The following THNSL2 variants were observed in gnomAD, a reference collection of about 807,000 sequenced individuals.
THNSL2 encodes threonine synthase-like 2.
A neutral mutation model predicts 40.0 loss-of-function variants in THNSL2; 34 were observed. The ratio of observed to expected loss-of-function variants is 0.85; its 90% CI spans 0.65 to 1.13. The LOEUF (loss-of-function observed/expected upper bound fraction) is 1.13. Ranked by LOEUF, THNSL2 falls within the 50% of genes most tolerant of loss-of-function variation. The probability of loss-of-function intolerance (pLI) is 0.00; values close to 1 mark genes in which losing one functional copy is unlikely to be tolerated. For synonymous variants in THNSL2, 241 were observed against 247.5 expected (o/e 0.97, Z 0.25); for missense variants, 537 against 608.8 (o/e 0.88, Z 1.24).
intron 2 of THNSL2, 87 bp from the exon 3 acceptor site, chr2:88,174,552 G>C: frequency 7.0e-7 from 1 of 1,427,494 alleles, no homozygotes; most frequent in Non-Finnish European, 9.5e-7. Flanking sequence ...AGTAGCAGGA[G>C]TTGGAAACTT....
chr2:88,177,577 GGAGT>G (rs774400182), intron 4 of THNSL2, among the ~76,000 whole-genome samples: 52 of 152,260 alleles, frequency 3.4e-4, no homozygotes, highest in Admixed American at 1.0e-3. Context: ...GGCCAGGGGT[GGAGT>G]GGGCTTCCAG....
intron 5 of THNSL2, 60 bp from the exon 6 acceptor site, chr2:88,182,639 C>T (rs764969947): frequency 3.1e-5 from 45 of 1,459,090 alleles, no homozygotes; most frequent in Non-Finnish European, 4.1e-5. Context: ...GCCCAATTTA[C>T]TTTTTTCTTT....
Position 88,174,738 on chromosome 2 carries a change from T to C in THNSL2, c.323T>C (p.Val108Ala). Residue 108 changes from valine (V) to alanine (A), a missense_variant, in exon 3 of 9, where the codon GTC becomes GCC. Val to Ala is a moderately conservative substitution (Grantham distance 64). Transcript: ENST00000674334. ...AACGTGTTGGAGCTGTGGCATGGCG[T>C]CACATATGCATTTAAGGACCTGTCC... ...GLNVLELWHG[V>A]TYAFKDLSLS... The C allele has an allele frequency of 6.2e-7, 1 of 1,614,154 alleles. No individual in the cohort carries two copies. The highest frequency in any genetic ancestry group is 8.5e-7 in the Non-Finnish European group (1 of 1,180,026).
At chr2:88,183,474 A>C (rs940997793) in intron 7 of THNSL2, 2 of 156,466 alleles carry the variant, frequency 1.3e-5, no homozygotes, top group African/African-American at 4.8e-5. Flanking sequence ...TTTACTTATT[A>C]TTATTGTTAA....
chr2:88,185,293 C>A lies in THNSL2; in HGVS notation c.1078-35C>A, dbSNP rs371898921. 3.3e-5 allele frequency: 52 copies of A among 1,593,998 alleles called. 1 individual carries two copies. The highest frequency in any genetic ancestry group is 3.1e-4 in the African/African-American group (23 of 74,312). On this transcript the variant is annotated intron_variant, in intron 7 of 8. Coordinates refer to ENST00000674334, the MANE Select transcript of THNSL2 (RefSeq NM_018271.5). ...TTGTCATCTTTCCCTACATCCCCCC[C>A]CCACACCTCATCTTTCTGACCTGGG...
Position 88,185,882 on chromosome 2 carries a change from G to A in THNSL2, c.1230-16G>A. ...TCTCATTGTCCTCCGGGTGCCACCT[G>A]CCCCCATCCCCACAGCACTCCCCGG... On this transcript the variant is annotated splice_polypyrimidine_tract_variant and intron_variant, in intron 8 of 8. Coordinates refer to ENST00000674334, the MANE Select transcript of THNSL2 (RefSeq NM_018271.5). The A allele has an allele frequency of 1.3e-6, 2 of 1,583,748 alleles. No homozygotes were observed. Among genetic ancestry groups the A allele is most frequent in the Non-Finnish European group, 1.7e-6 (2 of 1,165,040 alleles).
At chr2:88,182,891 G>A in intron 6 of THNSL2, 44 bp downstream of exon 6, 1 of 1,611,950 alleles carries the variant, frequency 6.2e-7, no homozygotes, top group South Asian at 1.1e-5. Flanking sequence ...GGTGTTGGTT[G>A]GGTGGGGCTC....
At chr2:88,177,464 G>A (rs549339363) in intron 4 of THNSL2, among the ~76,000 whole-genome samples, 2 of 152,336 alleles carry the variant, frequency 1.3e-5, no homozygotes, top group South Asian at 4.1e-4. Flanking sequence ...ATCAGCAAGT[G>A]CTAGGTATTT....
rs570043901 is a variant in THNSL2, at chr2:88,170,819, C to G, written c.-13+363C>G. 1.2e-3 allele frequency among the ~76,000 whole-genome samples: 181 copies of G among 151,290 alleles called. 2 individuals are homozygous for G. The highest frequency in any genetic ancestry group is 8.7e-3 in the Admixed American group (132 of 15,158). On this transcript the variant is annotated intron_variant, in intron 1 of 8. Transcript: ENST00000674334. ...CCGGTAGCCTCAGAGAGCCCGGGGT[C>G]TGCCTCCACCCCTAGGGGTGCCGTC...
At chr2:88,176,674 A>T (rs1036580629) in intron 4 of THNSL2, 1 of 152,276 alleles carries the variant, frequency 6.6e-6, no homozygotes, top group Non-Finnish European at 1.5e-5. Flanking sequence ...CCAAAGGAGC[A>T]GCATAAATAC....
intron 7 of THNSL2, 118 bp downstream of exon 7, chr2:88,183,191 C>T (rs1436918914): frequency 7.2e-7 from 1 of 1,383,916 alleles, no homozygotes; most frequent in Non-Finnish European, 9.7e-7. Flanking sequence ...CTGCTATGAG[C>T]CCACCACTTT....
intron 1 of THNSL2, chr2:88,172,900 T>C (rs373706880): frequency 3.6e-4 from 125 of 345,496 alleles, no homozygotes; most frequent in Middle Eastern, 7.6e-4. Context: ...CGATACCCTC[T>C]CCCTGAAGAC....
At chr2:88,174,606 C>T (rs1242718114) in intron 2 of THNSL2, 33 bp from the exon 3 acceptor site, 5 of 1,592,548 alleles carry the variant, frequency 3.1e-6, no homozygotes, top group Admixed American at 3.4e-5. Flanking sequence ...AGACCAGGCC[C>T]CTCATTGGCT....
chr2:88,180,599 G>T (rs982962671), intron 5 of THNSL2, among the ~76,000 whole-genome samples: 2 of 151,908 alleles, frequency 1.3e-5, no homozygotes, highest in African/African-American at 4.8e-5. Flanking sequence ...GTTTTGCCAG[G>T]TTAACAGTGA....
chr2:88,183,238 G>T, intron 7 of THNSL2, 165 bp downstream of exon 7: 1 of 937,490 alleles, frequency 1.1e-6, no homozygotes, highest in Non-Finnish European at 1.5e-6. Context: ...ATTGAATGAG[G>T]AGAGGTAATA....
At chr2:88,182,869 A>C (rs1375745632) in intron 6 of THNSL2, 22 bp downstream of exon 6, 3 of 1,613,412 alleles carry the variant, frequency 1.9e-6, no homozygotes, top group Non-Finnish European at 1.7e-6. Context: ...GGAGGTGTGC[A>C]GATCTGGCCC....
chr2:88,174,001 G>A (rs1420740914), intron 2 of THNSL2, among the ~76,000 whole-genome samples: 1 of 152,232 alleles, frequency 6.6e-6, no homozygotes, highest in Admixed American at 6.5e-5. Context: ...GGTTGGGGAA[G>A]AGAAAGGACC....
chr2:88,183,216 A>G (rs1677892297), intron 7 of THNSL2, 143 bp downstream of exon 7: 11 of 1,123,636 alleles, frequency 9.8e-6, no homozygotes, highest in Admixed American at 2.8e-5. Context: ...GCCACTTTAC[A>G]TGGAATAATT....
chr2:88,180,614 G>C (rs1181485803), intron 5 of THNSL2, among the ~76,000 whole-genome samples: 2 of 152,020 alleles, frequency 1.3e-5, no homozygotes, highest in Non-Finnish European at 2.9e-5. Flanking sequence ...CAGTGATGTT[G>C]GGTGGTGTGG....
Sources: gnomAD v4.1 joint callset for allele counts (sites outside exome capture counted in the v4.1 genomes callset) on GRCh38, gnomAD v4.1.1 for gene constraint, MANE v1.5 for transcripts, NCBI Gene and HGNC (gene_info 2026-07-23, HGNC 2026-07-21) for gene names.